The following ENOX1 variants were observed in gnomAD, a reference collection of about 807,000 sequenced individuals.
ENOX1 encodes the protein ecto-NOX disulfide-thiol exchanger 1.
Under a neutral mutation model 82.5 loss-of-function variants are expected in ENOX1, and 42 were observed. The observed-to-expected ratio is 0.51, with a 90% CI of 0.40 to 0.66. The LOEUF is 0.66. Among genes scored for constraint, ENOX1 ranks in the 30% least tolerant of loss-of-function variants. ENOX1 has a pLI of 0.00. For missense variants in ENOX1, 608 were observed against 811.6 expected (o/e 0.75, Z 3.05); for synonymous variants, 271 against 282.2 (o/e 0.96, Z 0.40).
intron 1 of ENOX1, among the ~76,000 whole-genome samples, chr13:43,720,756 T>C (rs572050885): frequency 2.0e-5 from 3 of 152,322 alleles, no homozygotes; most frequent in African/African-American, 4.8e-5. Context: ...TACAGCTTTT[T>C]TGATGCTCCA....
At chr13:43,735,679 C>G (rs1374339774) in intron 1 of ENOX1, among the ~76,000 whole-genome samples, 1 of 152,058 alleles carries the variant, frequency 6.6e-6, no homozygotes, top group South Asian at 2.1e-4. Context: ...TGAGATCACA[C>G]CACTGCACTC....
chr13:43,532,009 G>A (rs577566420), intron 2 of ENOX1, among the ~76,000 whole-genome samples: 39 of 151,968 alleles, frequency 2.6e-4, no homozygotes, highest in Non-Finnish European at 5.2e-4. Context: ...CACCAACATT[G>A]CACATGTATA....
chr13:43,673,058 A>C (rs1458258178), intron 1 of ENOX1, among the ~76,000 whole-genome samples: 1 of 152,110 alleles, frequency 6.6e-6, no homozygotes, highest in African/African-American at 2.4e-5. Flanking sequence ...CAGCATCTTC[A>C]ATTTCTTCTA....
At chr13:43,476,388 C>T (rs1199365474) in intron 3 of ENOX1, among the ~76,000 whole-genome samples, 4 of 151,826 alleles carry the variant, frequency 2.6e-5, no homozygotes, top group Non-Finnish European at 5.9e-5. Flanking sequence ...AAAAAAAGTG[C>T]ATATTTTTCT....
At chr13:43,222,552 A>C (rs1219852770) in intron 16 of ENOX1, among the ~76,000 whole-genome samples, 1 of 152,214 alleles carries the variant, frequency 6.6e-6, no homozygotes, top group African/African-American at 2.4e-5. Flanking sequence ...GCTGCTTCTC[A>C]ACAAAGGCTT....
intron 3 of ENOX1, among the ~76,000 whole-genome samples, chr13:43,447,607 C>T (rs2056726293): frequency 6.6e-6 from 1 of 151,936 alleles, no homozygotes; most frequent in Non-Finnish European, 1.5e-5. Context: ...TTCACTCATT[C>T]ATATGCAAAA....
chr13:43,662,185 CA>C (rs2084768196), intron 2 of ENOX1, among the ~76,000 whole-genome samples: 1 of 152,146 alleles, frequency 6.6e-6, no homozygotes, highest in Admixed American at 6.6e-5. Flanking sequence ...CTTCTTTAAT[CA>C]ATAACTCTTT....
chr13:43,435,270 C>A (rs1256142313), intron 3 of ENOX1, among the ~76,000 whole-genome samples: 1 of 152,154 alleles, frequency 6.6e-6, no homozygotes, highest in African/African-American at 2.4e-5. Context: ...GGGAGCTAAC[C>A]TCACCACTGG....
chr13:43,489,874 C>T (rs1395310821), intron 2 of ENOX1, among the ~76,000 whole-genome samples: 1 of 152,154 alleles, frequency 6.6e-6, no homozygotes, highest in African/African-American at 2.4e-5. Flanking sequence ...ACCTGTTACC[C>T]CTTTCTTCTT....
At position 43,434,937 on chromosome 13, in the gene ENOX1, G is replaced by GTTTTTTTTTTTTTTTTTTTTTTTTTTT. The variant is rs537775258; in HGVS notation, c.-74-21950_-74-21949insAAAAAAAAAAAAAAAAAAAAAAAAAAA. On this transcript the variant is annotated intron_variant, in intron 3 of 16. Transcript: ENST00000690772. ...CGTGTCTTATTATTGTGTGTGTGTG[G>GTTTTTTTTTTTTTTTTTTTTTTTTTTT]TTTTTTTTTTTTTTTTTTTTTTTTT... Among the ~76,000 whole-genome samples the GTTTTTTTTTTTTTTTTTTTTTTTTTTT allele has an allele frequency of 7.9e-5, 6 of 75,910 alleles. 1 individual carries two copies. The highest frequency in any genetic ancestry group is 9.2e-4 in the South Asian group (2 of 2,182). The allele number at this position is 75,910 out of a possible 152,430, so 49.8% of individuals were successfully genotyped here. A position where few individuals can be genotyped will look rare whatever the true frequency, so the allele number is the denominator to read the frequency against.
intron 2 of ENOX1, among the ~76,000 whole-genome samples, chr13:43,636,506 C>T (rs2096139222): frequency 6.6e-6 from 1 of 152,200 alleles, no homozygotes; most frequent in South Asian, 2.1e-4. Context: ...CCCTGGAAAA[C>T]TCTGTGGCCC....
intron 3 of ENOX1, among the ~76,000 whole-genome samples, chr13:43,468,002 T>C (rs756848442): frequency 1.3e-5 from 2 of 152,180 alleles, no homozygotes; most frequent in Non-Finnish European, 2.9e-5. Flanking sequence ...ATGGATTCTC[T>C]ATTCCATTCC....
intron 5 of ENOX1, among the ~76,000 whole-genome samples, chr13:43,395,255 ACCTATAAT>A (rs898059216): frequency 6.6e-6 from 1 of 152,326 alleles, no homozygotes; most frequent in African/African-American, 2.4e-5. Flanking sequence ...AGTGGCTCAC[ACCTATAAT>A]CCTGGAACTT....
At chr13:43,727,636 A>T (rs1330886124) in intron 1 of ENOX1, among the ~76,000 whole-genome samples, 1 of 152,172 alleles carries the variant, frequency 6.6e-6, no homozygotes, top group Non-Finnish European at 1.5e-5. Flanking sequence ...TATAAATTAG[A>T]TCTTACATTA....
rs185160437 is a variant in ENOX1 at position 43,635,964 on chromosome 13, C to T, written c.-219+31515G>A. Among the ~76,000 whole-genome samples, 15 of 152,304 alleles carry T rather than the reference C, an allele frequency of 9.8e-5. No homozygotes were observed. In the East Asian group the frequency reaches 2.5e-3, roughly 25 times the overall value. ...CAATCAATGGGGAAGAAGCAGGGCC[C>T]TATCATGGGACTGACCTTCTGGGGA... On this transcript the variant is annotated intron_variant, in intron 2 of 16. Coordinates refer to ENST00000690772, the MANE Select transcript of ENOX1 (RefSeq NM_001347969.2).
intron 1 of ENOX1, among the ~76,000 whole-genome samples, chr13:43,702,804 T>A (rs1465328349): frequency 2.0e-5 from 3 of 151,578 alleles, no homozygotes. Context: ...TACAAAAAAA[T>A]TAGCTGAGCG....
chr13:43,539,010 T>C (rs1593704743), intron 2 of ENOX1, among the ~76,000 whole-genome samples: 1 of 152,026 alleles, frequency 6.6e-6, no homozygotes, highest in Non-Finnish European at 1.5e-5. Flanking sequence ...TTTTCAAGGA[T>C]GGTGGTCTCG....
chr13:43,572,884 T>G (rs1177061541), intron 2 of ENOX1, among the ~76,000 whole-genome samples: 1 of 152,224 alleles, frequency 6.6e-6, no homozygotes, highest in Non-Finnish European at 1.5e-5. Flanking sequence ...CATTTTCACA[T>G]AAAAATCACC....
intron 2 of ENOX1, among the ~76,000 whole-genome samples, chr13:43,616,130 C>CTATATAGATAGATATGTATATATAGA (rs1566640959): frequency 2.2e-5 from 1 of 45,688 alleles, no homozygotes; most frequent in Non-Finnish European, 4.7e-5. Context: ...CTATAGATAT[C>CTATATAGATAGATATGTATATATAGA]TATCTATCTA....
Sources: allele counts gnomAD v4.1 joint callset (sites outside exome capture counted in the v4.1 genomes callset), GRCh38; gene constraint gnomAD v4.1.1; transcripts MANE v1.5; gene names NCBI Gene and HGNC (gene_info 2026-07-23, HGNC 2026-07-21).